TECPR2: variants seen among roughly 807,000 people sequenced by gnomAD.
The protein encoded by TECPR2 is tectonin beta-propeller repeat-containing protein 2.
Under a neutral mutation model 138.1 loss-of-function variants are expected in TECPR2, and 65 were observed. That is an observed-to-expected ratio of 0.47 (90% CI 0.39 to 0.58). The LOEUF (loss-of-function observed/expected upper bound fraction) is 0.58, where lower values mean the gene tolerates loss of function less well. Among genes scored for constraint, TECPR2 ranks in the 20% least tolerant of loss-of-function variants. TECPR2 has a pLI of 0.00. For synonymous variants in TECPR2, 746 were observed against 749.8 expected (o/e 0.99, Z 0.08); for missense variants, 1,553 against 1,824.5 (o/e 0.85, Z 2.71).
chr14:102,498,049 C>CCAAGCTCCCAGCTCCATCTGTGCG (rs1891337964), intron 19 of TECPR2, 54 bp from the exon 20 acceptor site: 3 of 1,584,142 alleles, frequency 1.9e-6, no homozygotes, highest in Non-Finnish European at 2.6e-6. Flanking sequence ...CCATCTGTGC[C>CCAAGCTCCCAGCTCCATCTGTGCG]CACCCCACAG....
At chr14:102,496,814 C>T (rs1891293309) in intron 17 of TECPR2, 165 bp from the exon 18 acceptor site, 6 of 1,000,848 alleles carry the variant, frequency 6.0e-6, no homozygotes, top group South Asian at 1.6e-5. Flanking sequence ...GACCATCTCC[C>T]CCGTGAGACT....
intron 9 of TECPR2, among the ~76,000 whole-genome samples, chr14:102,436,284 C>T (rs952589980): frequency 4.6e-5 from 7 of 151,894 alleles, no homozygotes; most frequent in Non-Finnish European, 8.8e-5. Flanking sequence ...TGAGACAAAA[C>T]GCCATAAGTC....
At chr14:102,370,538 C>G (rs1002068771) in intron 1 of TECPR2, among the ~76,000 whole-genome samples, 1 of 152,170 alleles carries the variant, frequency 6.6e-6, no homozygotes, top group African/African-American at 2.4e-5. Context: ...AGAGGCCAGG[C>G]CTGTTGTAAT....
At chr14:102,402,945 G>A (rs1888533032) in intron 2 of TECPR2, among the ~76,000 whole-genome samples, 1 of 152,118 alleles carries the variant, frequency 6.6e-6, no homozygotes, top group Non-Finnish European at 1.5e-5. Context: ...CTTCACCAGT[G>A]AATTTAACCA....
chr14:102,432,009 TGGGCAA>T lies in TECPR2; in HGVS notation c.1304_1309del (p.Lys435_Gly436del). The T allele has an allele frequency of 1.2e-6, 2 of 1,612,856 alleles. No individual in the cohort carries two copies. The highest frequency in any genetic ancestry group is 1.7e-6 in the Non-Finnish European group (2 of 1,179,926). ...CCTGGGCTCCAGGCCACCCCTGAGC[TGGGCAA>T]GGGCAGCCAGCCCCTGTCACAGAGA... On this transcript the variant is annotated inframe_deletion, in exon 8 of 20. Coordinates refer to ENST00000359520, the MANE Select transcript of TECPR2 (RefSeq NM_014844.5).
Position 102,438,263 on chromosome 14 carries a change from C to T in TECPR2, c.2578+58C>T, listed in dbSNP as rs910523682. On this transcript the variant is annotated intron_variant, in intron 10 of 19. Coordinates refer to ENST00000359520, the MANE Select transcript of TECPR2 (RefSeq NM_014844.5). ...GCTCCCGCTCGCCGCTCCTGCTCCCCGCCCCCGGGGTGCAGACATCTTAGT... is the reference window on the plus strand; with the variant it reads ...GCTCCCGCTCGCCGCTCCTGCTCCCTGCCCCCGGGGTGCAGACATCTTAGT... 3.2e-5 allele frequency: 50 copies of T among 1,547,300 alleles called. No individual in the cohort carries two copies. The Middle Eastern group carries it at 6.6e-4, about 21-fold the overall frequency.
chr14:102,497,225 T>C, intron 18 of TECPR2, 105 bp downstream of exon 18: 1 of 1,474,282 alleles, frequency 6.8e-7, no homozygotes. Flanking sequence ...GCAGCCTTTG[T>C]GCTGGGGCTG....
Position 102,440,465 on chromosome 14 carries a change from T to C in TECPR2, c.2608T>C (p.Ser870Pro). ...CCTTCTCTGGAAGATTGAACAGAAATCTAACCGGGCTTTTGCTTGTGGGAA... is the reference window on the plus strand; with the variant it reads ...CCTTCTCTGGAAGATTGAACAGAAACCTAACCGGGCTTTTGCTTGTGGGAA... ...GALLWKIEQKSNRAFACGKVT... is the reference protein window; with the variant it reads ...GALLWKIEQKPNRAFACGKVT... The change falls in exon 11 of 20, where the codon TCT becomes CCT. Residue 870 changes from serine to proline, a missense_variant. Transcript: ENST00000359520. 6.2e-7 allele frequency: 1 copy of C among 1,614,212 alleles called. No homozygotes were observed. The highest frequency in any genetic ancestry group is 1.1e-5 in the South Asian group (1 of 91,084).
At chr14:102,365,511 G>A (rs2139644211) in intron 1 of TECPR2, among the ~76,000 whole-genome samples, 1 of 152,256 alleles carries the variant, frequency 6.6e-6, no homozygotes, top group East Asian at 1.9e-4. Flanking sequence ...AACGTGGCCT[G>A]TCTACACAAT....
At chr14:102,390,464 A>G (rs1179458211) in intron 2 of TECPR2, among the ~76,000 whole-genome samples, 2 of 152,226 alleles carry the variant, frequency 1.3e-5, no homozygotes, top group African/African-American at 4.8e-5. Flanking sequence ...GTTATCTTAA[A>G]GAGACAGAAT....
At chr14:102,407,762 C>T (rs548036304) in intron 3 of TECPR2, among the ~76,000 whole-genome samples, 3 of 152,146 alleles carry the variant, frequency 2.0e-5, no homozygotes, top group Non-Finnish European at 2.9e-5. Flanking sequence ...TTTGGGAGGC[C>T]GAGGCAGGCA....
intron 14 of TECPR2, 51 bp from the exon 15 acceptor site, chr14:102,450,509 T>A: frequency 6.3e-7 from 1 of 1,586,448 alleles, no homozygotes; most frequent in Non-Finnish European, 8.6e-7. Context: ...CTGAAGTGGT[T>A]TTGTCTATGC....
intron 10 of TECPR2, among the ~76,000 whole-genome samples, chr14:102,439,768 A>T (rs1180834975): frequency 2.6e-5 from 4 of 152,264 alleles, no homozygotes; most frequent in African/African-American, 9.6e-5. Flanking sequence ...CCTCTAGTCC[A>T]GCCCAGCTGA....
chr14:102,486,054 G>T (rs553399995), intron 17 of TECPR2, among the ~76,000 whole-genome samples: 1 of 152,182 alleles, frequency 6.6e-6, no homozygotes, highest in Admixed American at 6.5e-5. Flanking sequence ...GCTTCTGAGC[G>T]TTTTCTTTAG....
chr14:102,369,954 C>CA (rs1887458010), intron 1 of TECPR2, among the ~76,000 whole-genome samples: 1 of 151,430 alleles, frequency 6.6e-6, no homozygotes, highest in Non-Finnish European at 1.5e-5. Context: ...GACTCTGTCT[C>CA]AAAAAAATAA....
intron 2 of TECPR2, among the ~76,000 whole-genome samples, chr14:102,404,677 A>C (rs547301413): frequency 6.6e-6 from 1 of 151,996 alleles, no homozygotes; most frequent in Non-Finnish European, 1.5e-5. Flanking sequence ...CCTAGGTTCA[A>C]ATGATGCTCC....
chr14:102,430,311 A>G (rs1175027538), intron 7 of TECPR2, among the ~76,000 whole-genome samples: 6 of 152,198 alleles, frequency 3.9e-5, no homozygotes, highest in Non-Finnish European at 8.8e-5. Context: ...GAATTTCAAT[A>G]CTTACAAGTA....
chr14:102,391,312 G>A (rs768375377), intron 2 of TECPR2, among the ~76,000 whole-genome samples: 4 of 152,096 alleles, frequency 2.6e-5, no homozygotes, highest in Non-Finnish European at 4.4e-5. Context: ...CGCCCACCTC[G>A]GCCTCCCAAA....
chr14:102,370,443 G>T (rs1380806128), intron 1 of TECPR2, among the ~76,000 whole-genome samples: 1 of 152,186 alleles, frequency 6.6e-6, no homozygotes, highest in African/African-American at 2.4e-5. Context: ...ACTTCCGCTT[G>T]CTTGCTAGGA....
Sources: allele counts gnomAD v4.1 joint callset (sites outside exome capture counted in the v4.1 genomes callset), GRCh38; gene constraint gnomAD v4.1.1; transcripts MANE v1.5; gene names NCBI Gene and HGNC (gene_info 2026-07-23, HGNC 2026-07-21).